Variants in UNC80 observed in about 807,000 individuals in gnomAD.
UNC80 encodes unc-80 subunit of NALCN channel complex.
A neutral mutation model predicts 384.6 loss-of-function variants in UNC80; 164 were observed. The observed-to-expected ratio is 0.43, with a 90% CI of 0.38 to 0.49. The LOEUF is 0.49. Ranked by LOEUF, UNC80 falls within the 20% of genes least tolerant of loss-of-function variation. The pLI is 0.00. For missense variants in UNC80, 3,330 were observed against 4,143.0 expected, an observed-to-expected ratio of 0.80 and a Z score of 5.39; for synonymous variants, 1,486 against 1,527.8, an observed-to-expected ratio of 0.97 and a Z score of 0.64.
chr2:209,995,369 A>G lies in UNC80; in HGVS notation c.9749A>G (p.Asp3250Gly), dbSNP rs2093467030. The part of the protein sequence containing the change: ...FPTEEGEKEE[D>G]TEAQGATAHS... ...ACTGAAGAAGGAGAAAAGGAGGAGG[A>G]CACAGAAGCACAAGGTGCTACTGCA... is the stretch of plus-strand genomic sequence containing the variant. Residue 3250 changes from aspartate to glycine, a missense_variant, in exon 65 of 65, where the codon GAC becomes GGC. This residue lies in a region of UNC80 where 236 missense variants were observed against 254.9 expected (regional missense o/e 0.93). Coordinates refer to ENST00000673920, the MANE Select transcript of UNC80 (RefSeq NM_001371986.1). 1 of 1,552,064 alleles carries G rather than the reference A, an allele frequency of 6.4e-7. No individual in the cohort carries two copies. Among genetic ancestry groups the G allele is most frequent in the Non-Finnish European group, 8.7e-7 (1 of 1,147,106 alleles).
At chr2:209,876,022 TC>T (rs1191173519) in intron 23 of UNC80, among the ~76,000 whole-genome samples, 1 of 152,170 alleles carries the variant, frequency 6.6e-6, no homozygotes, top group East Asian at 1.9e-4. Flanking sequence ...GTCCCACAGC[TC>T]CCCGACCCTC....
intron 59 of UNC80, among the ~76,000 whole-genome samples, chr2:209,979,160 A>G (rs2093091533): frequency 6.6e-6 from 1 of 152,140 alleles, no homozygotes; most frequent in Admixed American, 6.6e-5. Context: ...GAGGCATGGG[A>G]ACCACTTGAA....
At position 209,995,943 on chromosome 2, in the gene UNC80, TA is replaced by T. The variant is rs2093477152; in HGVS notation, c.*353del. ...AGAAATATTAACAAATGATATGATC[TA>T]AAAATAGAATGCAATTTTTTGAGAT... On this transcript the variant is annotated 3_prime_UTR_variant, in exon 65 of 65. Transcript: ENST00000673920. 3 of 176,290 alleles carry T rather than the reference TA, an allele frequency of 1.7e-5. No individual in the cohort carries two copies. The highest frequency in any genetic ancestry group is 7.2e-5 in the African/African-American group (3 of 41,958). 10.9% of individuals were successfully genotyped at this position (176,290 alleles called of 1,614,324 possible).
chr2:209,824,014 A>G (rs1001112757), intron 13 of UNC80, among the ~76,000 whole-genome samples: 2 of 152,196 alleles, frequency 1.3e-5, no homozygotes, highest in Non-Finnish European at 2.9e-5. Context: ...GCACAAAATT[A>G]TTAAATTATA....
Position 209,872,226 on chromosome 2 carries a change from TA to T in UNC80, c.3628-530del, listed in dbSNP as rs991754115. Among the ~76,000 whole-genome samples, 2 of 152,112 alleles carry T rather than the reference TA, an allele frequency of 1.3e-5. No individual in the cohort carries two copies. The highest frequency in any genetic ancestry group is 4.8e-5 in the African/African-American group (2 of 41,426). On this transcript the variant is annotated intron_variant, in intron 22 of 64. Coordinates refer to ENST00000673920, the MANE Select transcript of UNC80 (RefSeq NM_001371986.1). This position sits in a 1 kb window ranked among gnomAD's most constrained non-coding sequence, Gnocchi z 4.1. ...CAGGCTGGTCTTGAACTTCTTTTTT[TA>T]ATAGCCAAAATGTGCAGAACCAATT...
intron 24 of UNC80, among the ~76,000 whole-genome samples, chr2:209,879,516 C>T (rs1170578500): frequency 6.6e-6 from 1 of 152,142 alleles, no homozygotes; most frequent in Non-Finnish European, 1.5e-5. Flanking sequence ...TAGACTAAGA[C>T]TAAGCTCATT....
At chr2:209,898,325 A>G (rs1308044985) in intron 28 of UNC80, among the ~76,000 whole-genome samples, 2 of 152,050 alleles carry the variant, frequency 1.3e-5, no homozygotes, top group African/African-American at 4.8e-5. Context: ...ATTTGCAACC[A>G]CTTTGCTAAC....
At chr2:209,785,133 T>G (rs1464098079) in intron 4 of UNC80, among the ~76,000 whole-genome samples, 1 of 152,184 alleles carries the variant, frequency 6.6e-6, no homozygotes, top group Non-Finnish European at 1.5e-5. Flanking sequence ...CCTGGGCCTC[T>G]TAGATTTAAA....
intron 7 of UNC80, among the ~76,000 whole-genome samples, chr2:209,799,184 A>G (rs566780223): frequency 1.0e-3 from 154 of 151,938 alleles, no homozygotes; most frequent in Admixed American, 2.0e-3. Context: ...CATTTTCACA[A>G]TATTGATTCT....
intron 23 of UNC80, among the ~76,000 whole-genome samples, chr2:209,874,366 A>G (rs558018814): frequency 6.6e-6 from 1 of 152,306 alleles, no homozygotes; most frequent in East Asian, 1.9e-4. Flanking sequence ...AACAACAGTC[A>G]CAATTGATAA....
intron 22 of UNC80, among the ~76,000 whole-genome samples, chr2:209,864,696 G>T (rs2083585930): frequency 6.6e-6 from 1 of 152,212 alleles, no homozygotes; most frequent in South Asian, 2.1e-4. Context: ...GGACCAAGCT[G>T]TGCAGCTTCC....
intron 51 of UNC80, among the ~76,000 whole-genome samples, chr2:209,963,342 C>T (rs2092652627): frequency 6.6e-6 from 1 of 152,120 alleles, no homozygotes; most frequent in Non-Finnish European, 1.5e-5. Flanking sequence ...TGGGAAAGAA[C>T]CATAGGAAAG....
intron 6 of UNC80, among the ~76,000 whole-genome samples, chr2:209,789,806 T>C (rs895022532): frequency 1.3e-4 from 20 of 152,004 alleles, no homozygotes; most frequent in Admixed American, 1.1e-3. Flanking sequence ...AGCGTGCAGG[T>C]GTGGAAATAA....
At chr2:209,798,979 C>T (rs2153826143) in intron 7 of UNC80, among the ~76,000 whole-genome samples, 1 of 151,190 alleles carries the variant, frequency 6.6e-6, no homozygotes, top group African/African-American at 2.4e-5. Context: ...CCACCGTGCC[C>T]AGCCTATGGG....
intron 37 of UNC80, 72 bp downstream of exon 37, chr2:209,930,043 CT>C (rs2090731298): frequency 1.9e-6 from 2 of 1,026,328 alleles, no homozygotes; most frequent in African/African-American, 3.3e-5. Context: ...ATGCAAAGAA[CT>C]TTATAGTGCA....
intron 7 of UNC80, among the ~76,000 whole-genome samples, chr2:209,805,391 C>G (rs1013970682): frequency 6.6e-6 from 1 of 152,188 alleles, no homozygotes. Context: ...CAAATTATCC[C>G]AAATCCTAGC....
chr2:209,853,111 T>G (rs768182289), intron 22 of UNC80, among the ~76,000 whole-genome samples: 2 of 152,068 alleles, frequency 1.3e-5, no homozygotes, highest in African/African-American at 2.4e-5. Context: ...ATTCCGCCAT[T>G]TCATCAAATA....
At chr2:209,992,074 C>T in intron 61 of UNC80, 92 bp from the exon 62 acceptor site, 1 of 930,958 alleles carries the variant, frequency 1.1e-6, no homozygotes, top group Non-Finnish European at 1.6e-6. Context: ...TTTGAAGTGA[C>T]TGTATCATAC....
At chr2:209,784,054 T>C (rs1420050938) in intron 4 of UNC80, among the ~76,000 whole-genome samples, 2 of 152,162 alleles carry the variant, frequency 1.3e-5, no homozygotes, top group Non-Finnish European at 2.9e-5. Flanking sequence ...CTGCTCCTCC[T>C]TCATCTTACC....
Sources: gnomAD v4.1 joint callset for allele counts (sites outside exome capture counted in the v4.1 genomes callset) on GRCh38, gnomAD v4.1.1 for gene constraint, gnomAD v4.1.1 regional missense constraint, Gnocchi (gnomAD v3.1) non-coding constraint, MANE v1.5 for transcripts, NCBI Gene and HGNC (gene_info 2026-07-23, HGNC 2026-07-21) for gene names.